TAFA4: variants seen among roughly 807,000 people sequenced by gnomAD.
TAFA4 encodes TAFA chemokine like family member 4, also known as chemokine-like protein TAFA-4.
Under a neutral mutation model 21.1 loss-of-function variants are expected in TAFA4, and 20 were observed. That is an observed-to-expected ratio of 0.95 (90% CI 0.67 to 1.38). The LOEUF (loss-of-function observed/expected upper bound fraction) is 1.38. Among genes scored for constraint, TAFA4 ranks in the 40% most tolerant of loss-of-function variants. The pLI, the probability that TAFA4 is intolerant of heterozygous loss-of-function variation, is 0.00. For synonymous variants in TAFA4, 71 were observed against 67.4 expected, an observed-to-expected ratio of 1.05 and a Z score of -0.26; for missense variants, 211 against 180.9, an observed-to-expected ratio of 1.17 and a Z score of -0.95.
chr3:68,829,594 A>T (rs2106876032), intron 3 of TAFA4, among the ~76,000 whole-genome samples: 1 of 152,280 alleles, frequency 6.6e-6, no homozygotes, highest in East Asian at 1.9e-4. Flanking sequence ...GTTTGCCAGT[A>T]TTTTATGGCG....
chr3:68,918,156 A>C (rs62256113), intron 1 of TAFA4, among the ~76,000 whole-genome samples: 3,356 of 117,526 alleles, frequency 0.029, 80 homozygotes, highest in Admixed American at 0.081. Flanking sequence ...CACACACACA[A>C]ACACATTTCA....
At chr3:68,778,345 A>G (rs1160782139) in intron 3 of TAFA4, among the ~76,000 whole-genome samples, 1 of 152,224 alleles carries the variant, frequency 6.6e-6, no homozygotes, top group Non-Finnish European at 1.5e-5. Flanking sequence ...ATATATCAAG[A>G]TAACAACATA....
Position 68,794,311 on chromosome 3 carries a change from T to C in TAFA4, c.131-41293A>G, listed in dbSNP as rs189321945. The stretch of plus-strand genomic sequence containing the variant: ...ACATGGGGAGGTTTGTTTTCTACTC[T>C]GGCTGTTTTCATTTCTCCTGTCATA... On this transcript the variant is annotated intron_variant, in intron 3 of 5. Coordinates refer to ENST00000295569, the MANE Select transcript of TAFA4 (RefSeq NM_182522.5). Among the ~76,000 whole-genome samples, 1,169 of 152,280 alleles carry C rather than the reference T, an allele frequency of 7.7e-3. 16 individuals are homozygous for C. The highest frequency in any genetic ancestry group is 0.026 in the African/African-American group (1,087 of 41,552).
intron 4 of TAFA4, among the ~76,000 whole-genome samples, chr3:68,746,853 AG>A (rs1222287248): frequency 6.6e-6 from 1 of 152,252 alleles, no homozygotes; most frequent in East Asian, 1.9e-4. Flanking sequence ...CCTCTAAGTC[AG>A]GGTTTCTCAA....
At chr3:68,918,522 A>T (rs1045402780) in intron 1 of TAFA4, among the ~76,000 whole-genome samples, 1 of 152,166 alleles carries the variant, frequency 6.6e-6, no homozygotes, top group African/African-American at 2.4e-5. Context: ...CAAAATTCCT[A>T]AATTATAAAA....
At chr3:68,816,691 A>G (rs1370587478) in intron 3 of TAFA4, among the ~76,000 whole-genome samples, 1 of 152,154 alleles carries the variant, frequency 6.6e-6, no homozygotes, top group Non-Finnish European at 1.5e-5. Flanking sequence ...TACCTTTTAC[A>G]GGCGTATCTC....
intron 3 of TAFA4, among the ~76,000 whole-genome samples, chr3:68,819,812 G>A (rs1360116130): frequency 2.6e-5 from 4 of 152,176 alleles, no homozygotes; most frequent in Admixed American, 2.6e-4. Context: ...GCAGAGAAAA[G>A]GGAACGCTTA....
intron 3 of TAFA4, among the ~76,000 whole-genome samples, chr3:68,852,571 G>A (rs1206032186): frequency 6.6e-6 from 1 of 152,160 alleles, no homozygotes; most frequent in Non-Finnish European, 1.5e-5. Flanking sequence ...AACCAACTCA[G>A]GGTATGGAGA....
chr3:68,903,118 C>G (rs913585333), intron 1 of TAFA4, among the ~76,000 whole-genome samples: 1 of 152,130 alleles, frequency 6.6e-6, no homozygotes, highest in East Asian at 1.9e-4. Flanking sequence ...CTAGCCAATG[C>G]TTTTACTCAA....
At chr3:68,845,150 C>G (rs1324048271) in intron 3 of TAFA4, among the ~76,000 whole-genome samples, 1 of 152,172 alleles carries the variant, frequency 6.6e-6, no homozygotes, top group African/African-American at 2.4e-5. Flanking sequence ...GAGTCTAAGT[C>G]TCTTTGTAGG....
At chr3:68,868,265 G>A (rs189917378) in intron 3 of TAFA4, among the ~76,000 whole-genome samples, 21 of 152,094 alleles carry the variant, frequency 1.4e-4, no homozygotes, top group Non-Finnish European at 2.5e-4. Flanking sequence ...ACTATATAAC[G>A]ATAAAGGGGT....
chr3:68,907,093 C>A (rs899029280), intron 1 of TAFA4, among the ~76,000 whole-genome samples: 9 of 144,988 alleles, frequency 6.2e-5, no homozygotes, highest in Admixed American at 4.8e-4. Flanking sequence ...TCATTGCTGT[C>A]TAAAAACCAG....
At chr3:68,916,330 T>G (rs762901482) in intron 1 of TAFA4, 1 of 152,230 alleles carries the variant, frequency 6.6e-6, no homozygotes, top group Non-Finnish European at 1.5e-5. Context: ...CTTGACAGTT[T>G]TCTTCTTCTT....
chr3:68,871,540 C>T (rs1042052441), intron 3 of TAFA4, among the ~76,000 whole-genome samples: 2 of 152,076 alleles, frequency 1.3e-5, no homozygotes, highest in Non-Finnish European at 2.9e-5. Flanking sequence ...TTTAGTAAGA[C>T]TTTGAAAGCA....
chr3:68,804,147 C>A (rs996744720), intron 3 of TAFA4, among the ~76,000 whole-genome samples: 1 of 151,992 alleles, frequency 6.6e-6, no homozygotes, highest in Non-Finnish European at 1.5e-5. Flanking sequence ...CCCACTGCTC[C>A]ACGAAACATC....
intron 3 of TAFA4, among the ~76,000 whole-genome samples, chr3:68,767,507 G>C (rs1702877679): frequency 6.6e-6 from 1 of 151,926 alleles, no homozygotes; most frequent in African/African-American, 2.4e-5. Context: ...TTAACAAGAG[G>C]TTATAAGTAA....
chr3:68,927,192 C>G (rs2090116258), intron 1 of TAFA4, among the ~76,000 whole-genome samples: 2 of 152,186 alleles, frequency 1.3e-5, no homozygotes, highest in African/African-American at 4.8e-5. Context: ...TTTTTAGAAG[C>G]TGTATTTAAA....
chr3:68,913,715 G>A (rs1434923924), intron 1 of TAFA4: 1 of 151,968 alleles, frequency 6.6e-6, no homozygotes, highest in Non-Finnish European at 1.5e-5. Context: ...GAACCATTTG[G>A]AGAAATTATC....
chr3:68,815,213 A>C (rs900321044), intron 3 of TAFA4, among the ~76,000 whole-genome samples: 1 of 152,318 alleles, frequency 6.6e-6, no homozygotes, highest in East Asian at 1.9e-4. Context: ...TAAAAACCCT[A>C]GAAGAAAACC....
Sources: gnomAD v4.1 joint callset for allele counts (sites outside exome capture counted in the v4.1 genomes callset) on GRCh38, gnomAD v4.1.1 for gene constraint, MANE v1.5 for transcripts, NCBI Gene and HGNC (gene_info 2026-07-23, HGNC 2026-07-21) for gene names.